The following RBM6 variants were observed in gnomAD, a reference collection of about 807,000 sequenced individuals.
RBM6 encodes the protein RNA binding motif protein 6.
In RBM6, 23 loss-of-function variants were observed where a neutral mutation model predicts 140.4. That is an observed-to-expected ratio of 0.16 (90% CI 0.12 to 0.23). The LOEUF (loss-of-function observed/expected upper bound fraction) is 0.23, where lower values mean the gene tolerates loss of function less well. Ranked by LOEUF, RBM6 falls within the 10% of genes least tolerant of loss-of-function variation. The pLI, the probability that RBM6 is intolerant of heterozygous loss-of-function variation, is 1.00. For missense variants in RBM6, 1,139 were observed against 1,386.7 expected, an observed-to-expected ratio of 0.82 and a Z score of 2.84; for synonymous variants, 439 against 475.6, an observed-to-expected ratio of 0.92 and a Z score of 1.00.
At chr3:50,026,975 GTTTA>G (rs2087877196) in intron 6 of RBM6, among the ~76,000 whole-genome samples, 1 of 151,678 alleles carries the variant, frequency 6.6e-6, no homozygotes, top group Admixed American at 6.6e-5. Flanking sequence ...ATCCCTAAAA[GTTTA>G]TTTGTTCCTG....
rs760006088 is a variant in RBM6, at chr3:50,068,687, C to T, written c.2944-3C>T. On this transcript the variant is annotated splice_region_variant and splice_polypyrimidine_tract_variant and intron_variant, in intron 17 of 20. Coordinates refer to ENST00000266022, the MANE Select transcript of RBM6 (RefSeq NM_005777.3). ...ATACTCATAGAATTGCCTCTCTTCT[C>T]AGCAAAACCTGGAAATCCACCGGAA... 1.9e-6 allele frequency: 3 copies of T among 1,613,860 alleles called. No homozygotes were observed. The highest frequency in any genetic ancestry group is 4.5e-5 in the East Asian group (2 of 44,886).
chr3:49,943,524 G>T (rs1031426443), intron 1 of RBM6, among the ~76,000 whole-genome samples: 2 of 152,000 alleles, frequency 1.3e-5, no homozygotes, highest in Admixed American at 6.6e-5. Context: ...GTCTAGGGTG[G>T]TCTCGAACTC....
intron 1 of RBM6, among the ~76,000 whole-genome samples, chr3:49,957,832 TTTC>T (rs1475205564): frequency 1.6e-5 from 2 of 125,000 alleles, no homozygotes; most frequent in Non-Finnish European, 3.6e-5. Context: ...GAGATCTTTC[TTTC>T]TTTTTTTTTT....
intron 6 of RBM6, among the ~76,000 whole-genome samples, chr3:50,037,827 T>A (rs948421673): frequency 6.7e-6 from 1 of 150,270 alleles, no homozygotes; most frequent in African/African-American, 2.4e-5. Context: ...TCCTTTTTTT[T>A]TTTTTTTTTT....
intron 1 of RBM6, among the ~76,000 whole-genome samples, chr3:49,946,746 G>A (rs2083503970): frequency 6.6e-6 from 1 of 151,780 alleles, no homozygotes; most frequent in African/African-American, 2.4e-5. Context: ...TATTAGCCAG[G>A]CTGGTCTTGA....
chr3:50,015,829 T>G (rs921982505), intron 6 of RBM6, among the ~76,000 whole-genome samples: 5 of 152,248 alleles, frequency 3.3e-5, no homozygotes, highest in Admixed American at 3.3e-4. Flanking sequence ...AATTGATAAT[T>G]GTATACGTTT....
rs35926013 is a variant in RBM6 at position 50,065,072 on chromosome 3, C to T, written c.2628C>T (p.Asp876=). 1.2e-3 allele frequency: 1,875 copies of T among 1,613,890 alleles called. 26 individuals carry two copies. The African/African-American group carries it at 0.021, about 18-fold the overall frequency. The part of the protein sequence containing the change: ...NASEGKAPAE[D]VFKKPLPPTV... ...GTGAAGGGAAGGCCCCTGCAGAAGACGTCTTTAAGAAGCCCCTGCCTCCTA... is the reference window on the plus strand; with the variant it reads ...GTGAAGGGAAGGCCCCTGCAGAAGATGTCTTTAAGAAGCCCCTGCCTCCTA... The change falls in exon 16 of 21, where the codon GAC becomes GAT. Residue 876 remains aspartate (D), a synonymous_variant. Coordinates refer to ENST00000266022, the MANE Select transcript of RBM6 (RefSeq NM_005777.3).
At chr3:50,010,060 T>A (rs552939244) in intron 6 of RBM6, among the ~76,000 whole-genome samples, 19 of 152,068 alleles carry the variant, frequency 1.2e-4, no homozygotes, top group African/African-American at 4.6e-4. Context: ...CTAATTTTTG[T>A]ATTTTTAGTA....
At position 50,066,120 on chromosome 3, in the gene RBM6, G is replaced by A. The variant is rs148993422; in HGVS notation, c.2683-122G>A. 7.0e-4 allele frequency: 754 copies of A among 1,078,496 alleles called. 2 individuals are homozygous for A. The African/African-American group carries it at 0.01, about 14-fold the overall frequency. The allele number at this position is 1,078,496 out of a possible 1,614,324, so 66.8% of individuals were successfully genotyped here. ...CTTTCATCTGGGAAATGAGCAGCAT[G>A]GCTAGTGAGTTTATTTTGAACCCAA... On this transcript the variant is annotated intron_variant, in intron 16 of 20. Coordinates refer to ENST00000266022, the MANE Select transcript of RBM6 (RefSeq NM_005777.3).
intron 18 of RBM6, 115 bp from the exon 19 acceptor site, chr3:50,070,340 G>A (rs1328986603): frequency 1.3e-6 from 1 of 766,190 alleles, no homozygotes; most frequent in East Asian, 2.7e-5. Context: ...GGGCAACAGA[G>A]TGAGACTCTG....
At position 50,062,113 on chromosome 3, in the gene RBM6, G is replaced by A. The variant is rs1448907936; in HGVS notation, c.2586+5G>A. On this transcript the variant is annotated splice_donor_5th_base_variant and intron_variant, in intron 15 of 20. Coordinates refer to ENST00000266022, the MANE Select transcript of RBM6 (RefSeq NM_005777.3). ...AAAGACAGAGGAGTGACGAGGGTAA[G>A]AGGAATTGTTAATTTGCTGTCTTTT... The A allele has an allele frequency of 6.2e-7, 1 of 1,610,590 alleles. No homozygotes were observed. The highest frequency in any genetic ancestry group is 8.5e-7 in the Non-Finnish European group (1 of 1,178,632).
chr3:50,068,710 G>A lies in RBM6; in HGVS notation c.2964G>A (p.Arg988=). 6.2e-7 allele frequency: 1 copy of A among 1,614,124 alleles called. No individual in the cohort carries two copies. Among genetic ancestry groups the A allele is most frequent in the Non-Finnish European group, 8.5e-7 (1 of 1,179,992 alleles). The change falls in exon 18 of 21, where the codon CGG becomes CGA. Residue 988 remains arginine, a synonymous_variant. Coordinates refer to ENST00000266022, the MANE Select transcript of RBM6 (RefSeq NM_005777.3). ...CTCAGCAAAACCTGGAAATCCACCG[G>A]AAGATAAAACAGTCTGAGCAGGAGC... ...DLHKQNLEIH[R]KIKQSEQELA...
rs2084549242 is a variant in RBM6, at chr3:49,967,133, T to C, written c.45-337T>C. On this transcript the variant is annotated intron_variant, in intron 2 of 20. Coordinates refer to ENST00000266022, the MANE Select transcript of RBM6 (RefSeq NM_005777.3). The surrounding 1 kb of genome is among the most constrained non-coding windows in gnomAD (Gnocchi z 4.0). ...TCTTAAGTTCCCTGGCTGTAGGAAA[T>C]GGAAATTTTTGTAGTATGTCACCAT... The C allele has an allele frequency of 2.4e-6, 2 of 818,652 alleles. No homozygotes were observed. The highest frequency in any genetic ancestry group is 3.6e-5 in the African/African-American group (2 of 54,874). 50.7% of individuals were successfully genotyped at this position (818,652 alleles called of 1,614,324 possible).
rs1267797598 is a variant in RBM6 at position 49,968,140 on chromosome 3, G to A, written c.715G>A (p.Gly239Ser). 1 of 1,614,110 alleles carries A rather than the reference G, an allele frequency of 6.2e-7. No individual in the cohort carries two copies. Among genetic ancestry groups the A allele is most frequent in the Admixed American group, 1.7e-5 (1 of 59,994 alleles). The change falls in exon 3 of 21, where the codon GGT becomes AGT. Residue 239 changes from glycine (G) to serine (S), a missense_variant. By Grantham distance (56) the Gly-to-Ser change is moderately conservative. Around this residue, in one of 9 missense-constraint regions of RBM6, gnomAD observed 566 missense variants for 612.7 expected, o/e 0.92. Coordinates refer to ENST00000266022, the MANE Select transcript of RBM6 (RefSeq NM_005777.3). ...AACACAAGTAGACTTTAGAGGCCGA[G>A]GTTCAGGTACTACTGATCTAGACTT... is the stretch of plus-strand genomic sequence containing the variant. ...DGTQVDFRGR[G>S]SGTTDLDFRD...
At chr3:50,005,871 G>A (rs776821690) in intron 6 of RBM6, among the ~76,000 whole-genome samples, 4 of 152,102 alleles carry the variant, frequency 2.6e-5, no homozygotes, top group Admixed American at 6.6e-5. Context: ...GTAGAAACAT[G>A]GGGAACTGCA....
chr3:49,963,150 A>T (rs918640973), intron 2 of RBM6: 9 of 152,076 alleles, frequency 5.9e-5, no homozygotes, highest in African/African-American at 2.2e-4. Flanking sequence ...ATAGAAACTC[A>T]ATTTGGAAAA....
chr3:50,055,718 G>A (rs1441657257), intron 8 of RBM6, among the ~76,000 whole-genome samples: 1 of 152,124 alleles, frequency 6.6e-6, no homozygotes, highest in African/African-American at 2.4e-5. Flanking sequence ...CATTCTGTAA[G>A]CATTTCAGGA....
At chr3:49,984,092 G>A (rs1185061342) in intron 5 of RBM6, among the ~76,000 whole-genome samples, 1 of 152,132 alleles carries the variant, frequency 6.6e-6, no homozygotes, top group East Asian at 1.9e-4. Context: ...AGGAGTTCGA[G>A]ACCACCCTGG....
intron 17 of RBM6, 112 bp from the exon 18 acceptor site, chr3:50,068,578 C>T (rs1340295393): frequency 1.1e-6 from 1 of 883,976 alleles, no homozygotes; most frequent in Non-Finnish European, 1.8e-6. Flanking sequence ...TTTAGTAGAT[C>T]TGATCAATCA....
Sources: allele counts gnomAD v4.1 joint callset (sites outside exome capture counted in the v4.1 genomes callset), GRCh38; gene constraint gnomAD v4.1.1; regional missense constraint gnomAD v4.1.1; non-coding constraint Gnocchi (gnomAD v3.1); transcripts MANE v1.5; gene names NCBI Gene and HGNC (gene_info 2026-07-23, HGNC 2026-07-21).